The following SNX18 variants were observed in gnomAD, a reference collection of about 807,000 sequenced individuals.
SNX18 encodes the protein sorting nexin 18.
In SNX18, 35 loss-of-function variants were observed where a neutral mutation model predicts 48.7. The ratio of observed to expected loss-of-function variants is 0.72; its 90% CI spans 0.55 to 0.95. SNX18 has a LOEUF of 0.95. Ranked by LOEUF, SNX18 falls within the 40% of genes least tolerant of loss-of-function variation. The pLI, the probability that SNX18 is intolerant of heterozygous loss-of-function variation, is 0.00. For synonymous variants in SNX18, 492 were observed against 384.7 expected, an observed-to-expected ratio of 1.28 and a Z score of -3.26; for missense variants, 824 against 871.0, an observed-to-expected ratio of 0.95 and a Z score of 0.68.
chr5:54,616,657 T>G, the SNX18 span, among the ~76,000 whole-genome samples: 1 of 151,840 alleles, frequency 6.6e-6, no homozygotes, highest in African/African-American at 2.4e-5. Flanking sequence ...TAATCTCAGC[T>G]ACTAGGGAGG....
chr5:54,605,726 C>T, the SNX18 span, among the ~76,000 whole-genome samples: 3 of 152,132 alleles, frequency 2.0e-5, no homozygotes, highest in South Asian at 2.1e-4. Flanking sequence ...GTGGCACTAT[C>T]GCAGCTCACT....
At chr5:54,645,104 G>A in the SNX18 span, 1 of 152,168 alleles carries the variant, frequency 6.6e-6, no homozygotes, top group East Asian at 1.9e-4. Flanking sequence ...CTCTGTTTAT[G>A]AAATTATTAA....
chr5:54,615,687 T>C, the SNX18 span, among the ~76,000 whole-genome samples: 15 of 152,230 alleles, frequency 9.9e-5, no homozygotes, highest in Non-Finnish European at 1.9e-4. Flanking sequence ...GTTTCTAGAC[T>C]CTACAAGAGT....
At chr5:54,640,147 C>T in the SNX18 span, among the ~76,000 whole-genome samples, 1 of 152,124 alleles carries the variant, frequency 6.6e-6, no homozygotes, top group Non-Finnish European at 1.5e-5. Context: ...CCTCAAATAC[C>T]TCCTTAAGCT....
At chr5:54,640,549 G>C in the SNX18 span, among the ~76,000 whole-genome samples, 1 of 152,126 alleles carries the variant, frequency 6.6e-6, no homozygotes, top group African/African-American at 2.4e-5. Flanking sequence ...TTACGCTCTG[G>C]CCTACAAGAC....
chr5:54,551,241 CA>C (rs1196123362), downstream of SNX18, among the ~76,000 whole-genome samples: 6 of 152,084 alleles, frequency 3.9e-5, no homozygotes, highest in African/African-American at 1.4e-4. Flanking sequence ...TGTTACTTTG[CA>C]AAAATTCAAC....
rs1761895232 is a variant in SNX18 at position 54,517,890 on chromosome 5, C to T, written c.-63C>T. 1.4e-6 allele frequency: 2 copies of T among 1,429,398 alleles called. No homozygotes were observed. The highest frequency in any genetic ancestry group is 9.1e-7 in the Non-Finnish European group (1 of 1,100,128). The allele number at this position is 1,429,398 out of a possible 1,614,324, so 88.5% of individuals were successfully genotyped here. ...CCAGGGCTCGAGCAGTACCGCGGGC[C>T]CCTCAGGTGGGCCTCGGCTCGGGAC... On this transcript the variant is annotated 5_prime_UTR_variant, in exon 1 of 2. Coordinates refer to ENST00000381410, the MANE Select transcript of SNX18 (RefSeq NM_001102575.2).
At chr5:54,588,070 A>G in the SNX18 span, among the ~76,000 whole-genome samples, 1 of 152,068 alleles carries the variant, frequency 6.6e-6, no homozygotes, top group Non-Finnish European at 1.5e-5. Flanking sequence ...CAACCCAATC[A>G]AGGAAATCTG....
chr5:54,609,200 T>G, the SNX18 span, among the ~76,000 whole-genome samples: 2 of 152,216 alleles, frequency 1.3e-5, no homozygotes, highest in Non-Finnish European at 2.9e-5. Flanking sequence ...GCACTTAAAA[T>G]GCAGCTAGTG....
the SNX18 span, among the ~76,000 whole-genome samples, chr5:54,599,912 G>C: frequency 3.1e-4 from 47 of 152,244 alleles, 1 homozygote; most frequent in African/African-American, 1.1e-3. Context: ...ATACCATACA[G>C]GACAGAGGCA....
At chr5:54,616,355 T>A in the SNX18 span, among the ~76,000 whole-genome samples, 1 of 152,012 alleles carries the variant, frequency 6.6e-6, no homozygotes, top group Non-Finnish European at 1.5e-5. Flanking sequence ...ATTTTCCAGG[T>A]GGTTCTTATC....
the SNX18 span, among the ~76,000 whole-genome samples, chr5:54,590,875 G>A: frequency 3.3e-5 from 5 of 152,126 alleles, no homozygotes; most frequent in South Asian, 4.1e-4. Flanking sequence ...GTTATCTCCT[G>A]CCTGACGCTC....
chr5:54,641,704 CTA>C, the SNX18 span, among the ~76,000 whole-genome samples: 4 of 152,180 alleles, frequency 2.6e-5, no homozygotes, highest in African/African-American at 9.7e-5. Context: ...GACAGGGAAA[CTA>C]TAGAGTCACA....
chr5:54,585,833 C>A, the SNX18 span, among the ~76,000 whole-genome samples: 22 of 151,854 alleles, frequency 1.4e-4, no homozygotes, highest in African/African-American at 5.1e-4. Flanking sequence ...GAAACCCCGT[C>A]TCTACTAAAA....
the SNX18 span, among the ~76,000 whole-genome samples, chr5:54,579,476 A>C: frequency 1.3e-5 from 2 of 152,230 alleles, no homozygotes; most frequent in Non-Finnish European, 2.9e-5. Context: ...TAAATATAGA[A>C]TCATGAGCCA....
At chr5:54,567,228 T>G in the SNX18 span, among the ~76,000 whole-genome samples, 1 of 151,874 alleles carries the variant, frequency 6.6e-6, no homozygotes, top group East Asian at 1.9e-4. Context: ...TGTGTGTGTG[T>G]GCGTGTGTGT....
At chr5:54,547,912 T>A (rs77961243), downstream of SNX18, among the ~76,000 whole-genome samples, 4 of 152,198 alleles carry the variant, frequency 2.6e-5, no homozygotes, top group East Asian at 5.8e-4. Context: ...CAACAGAATT[T>A]GCTGAGTAAT....
At chr5:54,614,691 A>G in the SNX18 span, among the ~76,000 whole-genome samples, 13,588 of 152,066 alleles carry the variant, frequency 0.089, 691 homozygotes, top group Middle Eastern at 0.14. Flanking sequence ...GTGTGTGCCT[A>G]TAGTCCCAGA....
At chr5:54,626,636 A>C in the SNX18 span, among the ~76,000 whole-genome samples, 1 of 152,234 alleles carries the variant, frequency 6.6e-6, no homozygotes, top group Non-Finnish European at 1.5e-5. Context: ...ATGTCTAGAG[A>C]CATATTTGGT....
Sources: gnomAD v4.1 joint callset for allele counts (sites outside exome capture counted in the v4.1 genomes callset) on GRCh38, gnomAD v4.1.1 for gene constraint, MANE v1.5 for transcripts, NCBI Gene and HGNC (gene_info 2026-07-23, HGNC 2026-07-21) for gene names.